The following SGMS1 variants were observed in gnomAD, a reference collection of about 807,000 sequenced individuals.
The protein encoded by SGMS1 is phosphatidylcholine:ceramide cholinephosphotransferase 1.
SGMS1 carries 13 observed loss-of-function variants against 46.2 expected under a neutral mutation model. That is an observed-to-expected ratio of 0.28 (90% CI 0.18 to 0.45). The LOEUF is 0.45. Among genes scored for constraint, SGMS1 ranks in the 20% least tolerant of loss-of-function variants. The probability of loss-of-function intolerance (pLI) is 1.00; values close to 1 mark genes in which losing one functional copy is unlikely to be tolerated. For missense variants in SGMS1, 324 were observed against 519.9 expected, an observed-to-expected ratio of 0.62 and a Z score of 3.66; for synonymous variants, 203 against 187.8, an observed-to-expected ratio of 1.08 and a Z score of -0.66.
chr10:50,476,684 C>A (rs929557741), intron 3 of SGMS1, among the ~76,000 whole-genome samples: 1 of 152,140 alleles, frequency 6.6e-6, no homozygotes, highest in African/African-American at 2.4e-5. Context: ...GACACCACTG[C>A]GCTGGGCAGC....
intron 2 of SGMS1, among the ~76,000 whole-genome samples, chr10:50,539,282 T>C (rs1325369263): frequency 6.6e-6 from 1 of 152,246 alleles, no homozygotes; most frequent in Non-Finnish European, 1.5e-5. Context: ...CCAGTGTGTT[T>C]TAGCCATCTA....
chr10:50,402,210 A>G (rs1303082876), intron 6 of SGMS1, among the ~76,000 whole-genome samples: 1 of 152,240 alleles, frequency 6.6e-6, no homozygotes, highest in Non-Finnish European at 1.5e-5. Flanking sequence ...ACTCAAAACA[A>G]CAATGACTAT....
chr10:50,513,211 C>T (rs1257545684), intron 3 of SGMS1, among the ~76,000 whole-genome samples: 1 of 152,202 alleles, frequency 6.6e-6, no homozygotes, highest in Non-Finnish European at 1.5e-5. Context: ...AAGAACCTTG[C>T]TTCCTGGTAA....
intron 6 of SGMS1, among the ~76,000 whole-genome samples, chr10:50,364,390 A>AAAAGGATAAGAAGATCTTG (rs1848301638): frequency 6.6e-6 from 1 of 152,204 alleles, no homozygotes; most frequent in East Asian, 1.9e-4. Context: ...AATTTTTTTA[A>AAAAGGATAAGAAGATCTTG]AAAGGATAAG....
chr10:50,312,573 A>G (rs184233947), intron 8 of SGMS1, among the ~76,000 whole-genome samples: 1 of 152,260 alleles, frequency 6.6e-6, no homozygotes, highest in African/African-American at 2.4e-5. Flanking sequence ...CAAAAGCCAC[A>G]CTGAAAAACA....
intron 2 of SGMS1, among the ~76,000 whole-genome samples, chr10:50,558,690 CA>C (rs1157847427): frequency 6.6e-6 from 1 of 152,142 alleles, no homozygotes; most frequent in East Asian, 1.9e-4. Flanking sequence ...CCTGAGACAG[CA>C]AACTTTCCTC....
chr10:50,311,422 G>GA lies in SGMS1; in HGVS notation c.742-8dup. Reference sequence around the variant, plus strand: ...CTTCCCAGTCTCCGAAAAGCTGGCAGAAAAAAAGAAAAGAAGAAAAAGAAG... The same window carrying GA: ...CTTCCCAGTCTCCGAAAAGCTGGCAGAAAAAAAAGAAAAGAAGAAAAAGAAG... On this transcript the variant is annotated splice_region_variant and splice_polypyrimidine_tract_variant and intron_variant, in intron 8 of 10. Coordinates refer to ENST00000361781, the MANE Select transcript of SGMS1 (RefSeq NM_147156.4). 6.2e-7 allele frequency: 1 copy of GA among 1,609,192 alleles called. No homozygotes were observed. The highest frequency in any genetic ancestry group is 8.5e-7 in the Non-Finnish European group (1 of 1,178,448).
intron 5 of SGMS1, among the ~76,000 whole-genome samples, chr10:50,443,918 G>A (rs980532330): frequency 6.6e-6 from 1 of 152,064 alleles, no homozygotes; most frequent in Admixed American, 6.6e-5. Flanking sequence ...TATTTTACAT[G>A]AAGCAATACC....
At chr10:50,623,544 C>T (rs1838877943) in intron 1 of SGMS1, 163 bp downstream of exon 1, 2 of 980,178 alleles carry the variant, frequency 2.0e-6, no homozygotes, top group Non-Finnish European at 2.4e-6. Flanking sequence ...TGGAGGACTG[C>T]CCGCCAGGTA....
At chr10:50,328,110 A>G (rs1296372938) in intron 7 of SGMS1, 1 of 382,232 alleles carries the variant, frequency 2.6e-6, no homozygotes, top group Admixed American at 4.0e-5. Flanking sequence ...ATATACATGT[A>G]GGTTTGTATC....
chr10:50,577,267 G>A (rs1588882230), intron 2 of SGMS1, among the ~76,000 whole-genome samples: 1 of 152,208 alleles, frequency 6.6e-6, no homozygotes, highest in South Asian at 2.1e-4. Flanking sequence ...CAGTTAATTT[G>A]TCATCTTCTG....
chr10:50,558,325 A>T (rs1242472090), intron 2 of SGMS1, among the ~76,000 whole-genome samples: 1 of 152,152 alleles, frequency 6.6e-6, no homozygotes, highest in Non-Finnish European at 1.5e-5. Context: ...AGGGTATTTC[A>T]TTTGAAGGCA....
chr10:50,458,584 C>T (rs1837225957), intron 5 of SGMS1, among the ~76,000 whole-genome samples: 1 of 151,858 alleles, frequency 6.6e-6, no homozygotes. Context: ...TGGTCTCAAT[C>T]TCCTGACCTC....
chr10:50,600,410 A>G (rs1475856108), intron 1 of SGMS1, among the ~76,000 whole-genome samples: 1 of 152,242 alleles, frequency 6.6e-6, no homozygotes, highest in Non-Finnish European at 1.5e-5. Flanking sequence ...CACTCAGGCT[A>G]TTAGTGACAC....
intron 7 of SGMS1, among the ~76,000 whole-genome samples, chr10:50,329,878 T>A (rs1589387722): frequency 6.6e-6 from 1 of 152,218 alleles, no homozygotes; most frequent in East Asian, 1.9e-4. Flanking sequence ...TGGTCGCGTT[T>A]ATCTATTTTT....
intron 9 of SGMS1, among the ~76,000 whole-genome samples, chr10:50,310,750 C>T (rs749001800): frequency 5.9e-5 from 9 of 152,066 alleles, no homozygotes; most frequent in Admixed American, 1.3e-4. Flanking sequence ...ATTTTAAGTA[C>T]GTTTCTTAAG....
chr10:50,315,282 T>C (rs1288900359), intron 8 of SGMS1, among the ~76,000 whole-genome samples: 2 of 152,218 alleles, frequency 1.3e-5, no homozygotes, highest in Non-Finnish European at 2.9e-5. Context: ...GTCTAGAATG[T>C]AACATATTAA....
intron 3 of SGMS1, among the ~76,000 whole-genome samples, chr10:50,488,539 A>G (rs755476782): frequency 6.6e-6 from 1 of 152,218 alleles, no homozygotes; most frequent in Non-Finnish European, 1.5e-5. Context: ...CTCTTTCATA[A>G]AAGTCAAAGA....
At chr10:50,596,701 A>G in intron 1 of SGMS1, among the ~76,000 whole-genome samples, 1 of 152,246 alleles carries the variant, frequency 6.6e-6, no homozygotes, top group East Asian at 1.9e-4. Flanking sequence ...AGGTGTTTGA[A>G]GAACACAGAA....
Sources: gnomAD v4.1 joint callset for allele counts (sites outside exome capture counted in the v4.1 genomes callset) on GRCh38, gnomAD v4.1.1 for gene constraint, MANE v1.5 for transcripts, NCBI Gene and HGNC (gene_info 2026-07-23, HGNC 2026-07-21) for gene names.